The following RBFOX1 variants were observed in gnomAD, a reference collection of about 807,000 sequenced individuals.
The protein encoded by RBFOX1 is RNA binding fox-1 homolog 1, also known as RNA binding protein fox-1 homolog 1.
Under a neutral mutation model 57.7 loss-of-function variants are expected in RBFOX1, and 8 were observed. The observed-to-expected ratio is 0.14, with a 90% confidence interval of 0.08 to 0.25. The LOEUF (loss-of-function observed/expected upper bound fraction) is 0.25. RBFOX1 is among the 10% of genes least tolerant of loss of function. The pLI is 1.00. For synonymous variants in RBFOX1, 326 were observed against 222.4 expected, an observed-to-expected ratio of 1.47 and a Z score of -4.15; for missense variants, 611 against 548.5, an observed-to-expected ratio of 1.11 and a Z score of -1.14.
At chr16:7,058,443 C>T (rs547541920) in intron 4 of RBFOX1, among the ~76,000 whole-genome samples, 94 of 152,284 alleles carry the variant, frequency 6.2e-4, no homozygotes, top group East Asian at 1.9e-3. Flanking sequence ...CCTGGAGCTA[C>T]GCCTACTGAG....
At chr16:7,488,979 C>T (rs4787031) in intron 4 of RBFOX1, among the ~76,000 whole-genome samples, 138,392 of 151,964 alleles carry the variant, frequency 0.91, 64,397 homozygotes, top group East Asian at 1. Flanking sequence ...ATTATCTATG[C>T]CTCTAATCTC....
rs558637583 is a variant in RBFOX1 at position 7,215,460 on chromosome 16, C to T, written c.27+163362C>T. ...TAGACTGGATAAGGAAAATGTAGCACATATACACCATGGAATTTTGTTTAT... is the reference window on the plus strand; with the variant it reads ...TAGACTGGATAAGGAAAATGTAGCATATATACACCATGGAATTTTGTTTAT... On this transcript the variant is annotated intron_variant, in intron 4 of 15. Transcript: ENST00000550418. Among the ~76,000 whole-genome samples, 167 of 152,294 alleles carry T rather than the reference C, an allele frequency of 1.1e-3. 8 individuals are homozygous for T. In the South Asian group the frequency reaches 0.033, roughly 30 times the overall value.
intron 2 of RBFOX1, among the ~76,000 whole-genome samples, chr16:6,335,824 TAAAAC>T (rs2083583248): frequency 8.2e-6 from 1 of 122,218 alleles, no homozygotes; most frequent in Non-Finnish European, 1.8e-5. Context: ...AAAGAAAAAA[TAAAAC>T]AAAAAAATGG....
intron 3 of RBFOX1, among the ~76,000 whole-genome samples, chr16:6,838,600 C>T (rs1455110048): frequency 1.3e-5 from 2 of 152,204 alleles, no homozygotes; most frequent in African/African-American, 4.8e-5. Flanking sequence ...TCTGCTGCTG[C>T]TGTGCACTGC....
chr16:6,886,826 C>A (rs953578324), intron 3 of RBFOX1, among the ~76,000 whole-genome samples: 1 of 150,838 alleles, frequency 6.6e-6, no homozygotes, highest in African/African-American at 2.4e-5. Context: ...TGTGAAGAAA[C>A]GTTTGCTTTA....
At chr16:7,567,630 TATATATCCCTATATATGG>T (rs2092186206) in intron 5 of RBFOX1, among the ~76,000 whole-genome samples, 1 of 77,604 alleles carries the variant, frequency 1.3e-5, no homozygotes, top group African/African-American at 4.1e-5. Context: ...TATATATATA[TATATATCCCTATATATGG>T]CCCTATATAT....
chr16:6,992,009 A>C (rs2091548724), intron 3 of RBFOX1, among the ~76,000 whole-genome samples: 1 of 152,038 alleles, frequency 6.6e-6, no homozygotes, highest in Non-Finnish European at 1.5e-5. Context: ...GTGCTATGAA[A>C]ACTACACCTT....
intron 4 of RBFOX1, among the ~76,000 whole-genome samples, chr16:7,418,593 C>T (rs2098507427): frequency 6.6e-6 from 1 of 152,170 alleles, no homozygotes. Flanking sequence ...AAGACCCAAA[C>T]AATATTTGGC....
At chr16:6,565,091 A>C (rs1197360319) in intron 2 of RBFOX1, among the ~76,000 whole-genome samples, 8 of 147,230 alleles carry the variant, frequency 5.4e-5, no homozygotes, top group Non-Finnish European at 1.0e-4. Flanking sequence ...AGATTGCATC[A>C]CTGCACTCCA....
At chr16:5,867,399 A>C in intron 4 of RBFOX1, 2 of 983,932 alleles carry the variant, frequency 2.0e-6, no homozygotes, top group Non-Finnish European at 2.6e-6. Context: ...TTTGTGATGG[A>C]GTGTAACGAG....
intron 2 of RBFOX1, among the ~76,000 whole-genome samples, chr16:6,322,415 C>G (rs1235332203): frequency 1.3e-5 from 2 of 152,188 alleles, no homozygotes; most frequent in Non-Finnish European, 2.9e-5. Context: ...CAGCTCCAAG[C>G]ACTTGCTACA....
At chr16:5,549,183 T>G (rs2151078722) in intron 2 of RBFOX1, among the ~76,000 whole-genome samples, 1 of 152,332 alleles carries the variant, frequency 6.6e-6, no homozygotes, top group South Asian at 2.1e-4. Context: ...GAGGCAGCCA[T>G]GAGCAAGTGG....
chr16:7,358,509 C>T lies in RBFOX1; in HGVS notation c.28-159638C>T, dbSNP rs570979094. The stretch of plus-strand genomic sequence containing the variant: ...GATCTCAGCTCACTGCAACCTCCAC[C>T]TCCCGGGTTCAAGCAATTCTCTTGC... On this transcript the variant is annotated intron_variant, in intron 4 of 15. Coordinates refer to ENST00000550418, the MANE Select transcript of RBFOX1 (RefSeq NM_018723.4). Among the ~76,000 whole-genome samples the T allele has an allele frequency of 3.3e-5, 5 of 152,220 alleles. No homozygotes were observed. The East Asian group carries it at 7.7e-4, about 24-fold the overall frequency.
intron 4 of RBFOX1, among the ~76,000 whole-genome samples, chr16:7,296,757 C>G (rs146841570): frequency 6.6e-6 from 1 of 152,116 alleles, no homozygotes; most frequent in Non-Finnish European, 1.5e-5. Flanking sequence ...GCCTTTCTTT[C>G]GGGTGCAGAC....
chr16:5,817,786 C>T (rs1027461067), intron 3 of RBFOX1, among the ~76,000 whole-genome samples: 4 of 151,612 alleles, frequency 2.6e-5, no homozygotes, highest in African/African-American at 4.9e-5. Context: ...CTCCGACTCC[C>T]GGGTTCGCGC....
chr16:5,818,980 C>T (rs964940155), intron 3 of RBFOX1, among the ~76,000 whole-genome samples: 1 of 152,178 alleles, frequency 6.6e-6, no homozygotes, highest in African/African-American at 2.4e-5. Flanking sequence ...GGATCTGTCC[C>T]CATCTCCATC....
chr16:7,343,417 C>T (rs2096934978), intron 4 of RBFOX1, among the ~76,000 whole-genome samples: 1 of 152,094 alleles, frequency 6.6e-6, no homozygotes, highest in African/African-American at 2.4e-5. Flanking sequence ...GAGAATCTGA[C>T]CAGCAGTGGG....
intron 3 of RBFOX1, among the ~76,000 whole-genome samples, chr16:6,896,060 C>T (rs747695508): frequency 3.9e-5 from 6 of 152,036 alleles, no homozygotes; most frequent in Non-Finnish European, 7.4e-5. Context: ...ATCATCTGAG[C>T]TTAGGAGTTT....
chr16:7,572,137 TG>T (rs2092843943), intron 5 of RBFOX1, among the ~76,000 whole-genome samples: 1 of 152,076 alleles, frequency 6.6e-6, no homozygotes, highest in East Asian at 1.9e-4. Flanking sequence ...AAAACAAAAC[TG>T]ATGGTTATTA....
Sources: allele counts gnomAD v4.1 joint callset (sites outside exome capture counted in the v4.1 genomes callset), GRCh38; gene constraint gnomAD v4.1.1; transcripts MANE v1.5; gene names NCBI Gene and HGNC (gene_info 2026-07-23, HGNC 2026-07-21).